The following TJP2 variants were observed in gnomAD, a reference collection of about 807,000 sequenced individuals.
The protein encoded by TJP2 is Friedreich ataxia region gene X104 (tight junction protein ZO-2).
Under a neutral mutation model 133.1 loss-of-function variants are expected in TJP2, and 91 were observed. The observed-to-expected ratio is 0.68, with a 90% CI of 0.58 to 0.81. The LOEUF is 0.81. Among genes scored for constraint, TJP2 ranks in the 40% least tolerant of loss-of-function variants. The pLI is 0.00. For synonymous variants in TJP2, 592 were observed against 583.4 expected (o/e 1.01, Z -0.21); for missense variants, 1,541 against 1,565.6 (o/e 0.98, Z 0.26).
At chr9:69,147,883 T>C (rs1207061799) in intron 1 of TJP2, among the ~76,000 whole-genome samples, 2 of 152,054 alleles carry the variant, frequency 1.3e-5, no homozygotes, top group African/African-American at 2.4e-5. Flanking sequence ...TAATACTCTT[T>C]GAGTTCTGTG....
rs1439894129 is a variant in TJP2, at chr9:69,237,125, T to C, written c.2168T>C (p.Leu723Ser). 1 of 1,613,982 alleles carries C rather than the reference T, an allele frequency of 6.2e-7. No individual in the cohort carries two copies. The highest frequency in any genetic ancestry group is 1.3e-5 in the African/African-American group (1 of 74,924). ...STKFPAYERV[L>S]LREAGFKRPV... ...AAGTTCCCAGCTTATGAGAGGGTTT[T>C]GCTGCGAGAAGGTGAGGAAGTCACA... The change falls in exon 14 of 23, where the codon TTG becomes TCG. Residue 723 changes from leucine (L) to serine (S), a missense_variant. By Grantham distance (145) the Leu-to-Ser change is moderately radical (BLOSUM62 -2). Coordinates refer to ENST00000377245, the MANE Select transcript of TJP2 (RefSeq NM_004817.4).
intron 1 of TJP2, among the ~76,000 whole-genome samples, chr9:69,175,148 C>T (rs1337804721): frequency 6.6e-6 from 1 of 152,118 alleles, no homozygotes; most frequent in East Asian, 1.9e-4. Context: ...AGTGAGTGCT[C>T]CCGCGCTTAG....
Position 69,254,640 on chromosome 9 carries a change from C to T in TJP2, c.*266C>T. 1.7e-6 allele frequency: 1 copy of T among 597,666 alleles called. No individual in the cohort carries two copies. The highest frequency in any genetic ancestry group is 3.0e-6 in the Non-Finnish European group (1 of 334,524). 37.0% of individuals were successfully genotyped at this position (597,666 alleles called of 1,614,324 possible). A position where few individuals can be genotyped will look rare whatever the true frequency, so the allele number is the denominator to read the frequency against. The stretch of plus-strand genomic sequence containing the variant: ...TGCAGTCAGATCCTGTTACTTGCTT[C>T]AGTGGACCGAAATCTGTATTCTGTT... On this transcript the variant is annotated 3_prime_UTR_variant, in exon 23 of 23. Transcript: ENST00000377245.
At chr9:69,175,349 A>G (rs969295990) in intron 1 of TJP2, among the ~76,000 whole-genome samples, 2 of 152,044 alleles carry the variant, frequency 1.3e-5, no homozygotes, top group Admixed American at 6.6e-5. Context: ...AGCGGGGAGG[A>G]GGGAGGGAGG....
chr9:69,216,558 G>A, intron 3 of TJP2, 95 bp downstream of exon 3: 5 of 1,353,044 alleles, frequency 3.7e-6, no homozygotes, highest in Admixed American at 2.3e-5. Context: ...TTAAAAAAAA[G>A]AAAAAAATAA....
rs1344568970 is a variant in TJP2, at chr9:69,229,088, T to C, written c.1454-96T>C. On this transcript the variant is annotated intron_variant, in intron 9 of 22. Transcript: ENST00000377245. ...TTTGTTTGTGGTGACATATGTGGCA[T>C]AGACTTACATTTTTTGTGGATTTTG... is the stretch of plus-strand genomic sequence containing the variant. 3 of 1,163,266 alleles carry C rather than the reference T, an allele frequency of 2.6e-6. No individual in the cohort carries two copies. In the East Asian group the frequency reaches 7.0e-5, roughly 27 times the overall value. The allele number at this position is 1,163,266 out of a possible 1,614,324, so 72.1% of individuals were successfully genotyped here.
chr9:69,239,225 A>G (rs1830419432), intron 16 of TJP2, among the ~76,000 whole-genome samples: 1 of 151,798 alleles, frequency 6.6e-6, no homozygotes, highest in Admixed American at 6.6e-5. Flanking sequence ...AAACCGTTTC[A>G]CTGTGTGGAA....
chr9:69,214,125 G>T (rs572767793), intron 2 of TJP2, among the ~76,000 whole-genome samples: 1 of 152,204 alleles, frequency 6.6e-6, no homozygotes, highest in African/African-American at 2.4e-5. Flanking sequence ...TCATTCAGTT[G>T]CCCAGGCTGG....
chr9:69,234,194 C>T (rs1052974936), intron 11 of TJP2, among the ~76,000 whole-genome samples: 1 of 152,060 alleles, frequency 6.6e-6, no homozygotes, highest in Non-Finnish European at 1.5e-5. Flanking sequence ...CTCTAAGGTG[C>T]GGTTGGCAGT....
At chr9:69,167,959 G>T (rs1402153221) in intron 2 of TJP2, among the ~76,000 whole-genome samples, 8 of 152,102 alleles carry the variant, frequency 5.3e-5, no homozygotes, top group Non-Finnish European at 8.8e-5. Flanking sequence ...CAACGTGTTG[G>T]GTTTAATGGC....
At chr9:69,225,472 T>G in intron 6 of TJP2, 65 bp downstream of exon 6, 3 of 1,058,666 alleles carry the variant, frequency 2.8e-6, no homozygotes, top group Non-Finnish European at 4.4e-6. Context: ...ATGTCCACAT[T>G]CAGCACCCAC....
At chr9:69,205,317 G>A in intron 1 of TJP2, 2 of 1,534,108 alleles carry the variant, frequency 1.3e-6, no homozygotes, top group Non-Finnish European at 8.7e-7. Context: ...TTCTCACAGT[G>A]AGTCCTTTAT....
intron 1 of TJP2, among the ~76,000 whole-genome samples, chr9:69,195,161 T>A (rs1826463838): frequency 6.6e-6 from 1 of 152,236 alleles, no homozygotes; most frequent in Non-Finnish European, 1.5e-5. Context: ...TATCTTTATC[T>A]TGGTGCCTAT....
intron 1 of TJP2, among the ~76,000 whole-genome samples, chr9:69,201,045 T>TG (rs1826952946): frequency 6.6e-6 from 1 of 152,218 alleles, no homozygotes; most frequent in African/African-American, 2.4e-5. Context: ...ATGAGCCTCT[T>TG]GGTGGGCTCT....
chr9:69,165,577 T>G (rs1824307908), intron 2 of TJP2, among the ~76,000 whole-genome samples: 1 of 152,218 alleles, frequency 6.6e-6, no homozygotes, highest in Admixed American at 6.5e-5. Context: ...TATGAAAAGC[T>G]CTTGGCACAG....
At chr9:69,246,424 A>G (rs1385854439) in intron 17 of TJP2, 1 of 436,014 alleles carries the variant, frequency 2.3e-6, no homozygotes. Flanking sequence ...CATTTTTAAA[A>G]GTTAGCCTTT....
chr9:69,186,628 G>C (rs964317109), intron 1 of TJP2, among the ~76,000 whole-genome samples: 5 of 152,242 alleles, frequency 3.3e-5, no homozygotes, highest in African/African-American at 1.2e-4. Flanking sequence ...AATAGAGCCA[G>C]AGGGGAGCTT....
chr9:69,183,406 C>T (rs1381074503), intron 1 of TJP2, among the ~76,000 whole-genome samples: 1 of 152,194 alleles, frequency 6.6e-6, no homozygotes, highest in Non-Finnish European at 1.5e-5. Context: ...TTTGCTTGAA[C>T]TTGGGAGAGG....
At chr9:69,251,803 CAT>C (rs1831354792) in intron 21 of TJP2, among the ~76,000 whole-genome samples, 1 of 152,056 alleles carries the variant, frequency 6.6e-6, no homozygotes, top group African/African-American at 2.4e-5. Context: ...ACCATATGCA[CAT>C]AGAACTTTTC....
Sources: allele counts gnomAD v4.1 joint callset (sites outside exome capture counted in the v4.1 genomes callset), GRCh38; gene constraint gnomAD v4.1.1; transcripts MANE v1.5; gene names NCBI Gene and HGNC (gene_info 2026-07-23, HGNC 2026-07-21).